Variants in EMC2 observed in about 807,000 individuals in gnomAD.
EMC2 encodes the protein ER membrane protein complex subunit 2, also known as TPR repeat protein 35.
Under a neutral mutation model 51.6 loss-of-function variants are expected in EMC2, and 37 were observed. The observed-to-expected ratio is 0.72, with a 90% CI of 0.55 to 0.94. EMC2 has a LOEUF of 0.94. Among genes scored for constraint, EMC2 ranks in the 40% least tolerant of loss-of-function variants. The pLI, the probability that EMC2 is intolerant of heterozygous loss-of-function variation, is 0.00. For missense variants in EMC2, 359 were observed against 350.9 expected, an observed-to-expected ratio of 1.02 and a Z score of -0.18; for synonymous variants, 131 against 112.4, an observed-to-expected ratio of 1.17 and a Z score of -1.04.
intron 2 of EMC2, 30 bp downstream of exon 2, chr8:108,449,966 T>A: frequency 1.1e-6 from 1 of 878,456 alleles, no homozygotes; most frequent in Non-Finnish European, 1.7e-6. Flanking sequence ...TCAGGCTCAG[T>A]ACATGCCTCA....
At chr8:108,483,115 G>A (rs1364667829) in intron 10 of EMC2, among the ~76,000 whole-genome samples, 1 of 151,968 alleles carries the variant, frequency 6.6e-6, no homozygotes, top group Non-Finnish European at 1.5e-5. Context: ...AACATCTCTT[G>A]CTGTATCTTT....
intron 1 of EMC2, among the ~76,000 whole-genome samples, chr8:108,448,459 T>G (rs1279553807): frequency 6.6e-6 from 1 of 152,188 alleles, no homozygotes; most frequent in Non-Finnish European, 1.5e-5. Context: ...GATTGAATCA[T>G]GGGGACAGGT....
At chr8:108,459,392 A>G (rs1203105915) in intron 5 of EMC2, among the ~76,000 whole-genome samples, 1 of 152,174 alleles carries the variant, frequency 6.6e-6, no homozygotes, top group South Asian at 2.1e-4. Context: ...AGACTGGGCA[A>G]TTTACAAAAG....
intron 5 of EMC2, among the ~76,000 whole-genome samples, chr8:108,462,679 T>C (rs1819358244): frequency 6.6e-6 from 1 of 152,184 alleles, no homozygotes. Flanking sequence ...CCAGTCTAAT[T>C]AGTTAAAAAT....
intron 7 of EMC2, 104 bp from the exon 8 acceptor site, chr8:108,475,778 A>C: frequency 1.6e-6 from 1 of 615,484 alleles, no homozygotes; most frequent in South Asian, 2.0e-5. Context: ...ATTGGGAATA[A>C]ATTGTTTAAC....
chr8:108,478,022 A>G (rs1810978776), intron 9 of EMC2, among the ~76,000 whole-genome samples: 2 of 151,988 alleles, frequency 1.3e-5, no homozygotes, highest in African/African-American at 4.8e-5. Context: ...TTTTCTCGTA[A>G]CCACTGCATC....
chr8:108,479,158 C>T, intron 10 of EMC2, 48 bp downstream of exon 10: 1 of 1,143,264 alleles, frequency 8.7e-7, no homozygotes, highest in South Asian at 1.7e-5. Flanking sequence ...TAATGTATTT[C>T]TTAGTTTTGT....
At chr8:108,481,347 T>G (rs543998543) in intron 10 of EMC2, among the ~76,000 whole-genome samples, 7 of 152,058 alleles carry the variant, frequency 4.6e-5, no homozygotes, top group Non-Finnish European at 1.0e-4. Flanking sequence ...AGTCAGAGTA[T>G]TTATAAATAT....
chr8:108,468,214 A>G (rs569382241), intron 5 of EMC2, among the ~76,000 whole-genome samples: 7 of 152,298 alleles, frequency 4.6e-5, no homozygotes, highest in African/African-American at 1.7e-4. Flanking sequence ...ACTAGGGACA[A>G]TGCTCCCATT....
intron 5 of EMC2, among the ~76,000 whole-genome samples, chr8:108,466,442 ATTTTTTTTTTT>A (rs869102478): frequency 3.3e-5 from 3 of 91,036 alleles, no homozygotes; most frequent in African/African-American, 1.4e-4. Context: ...CTATGATAGA[ATTTTTTTTTTT>A]TTTTTTTTTT....
chr8:108,458,612 CA>C lies in EMC2; in HGVS notation c.363+2683del, dbSNP rs537670040. Among the ~76,000 whole-genome samples, 235 of 152,286 alleles carry C rather than the reference CA, an allele frequency of 1.5e-3. 1 individual carries two copies. The highest frequency in any genetic ancestry group is 5.3e-3 in the African/African-American group (221 of 41,564). On this transcript the variant is annotated intron_variant, in intron 5 of 10. Transcript: ENST00000220853. ...GCTCTGTGTTGGTCCCTTTCGGCCA[CA>C]GGGGGAGTGGCTGGGATGCAAGGCA...
chr8:108,475,996 T>C (rs754542552), intron 8 of EMC2, 33 bp downstream of exon 8: 1 of 1,212,706 alleles, frequency 8.2e-7, no homozygotes, highest in Non-Finnish European at 1.2e-6. Flanking sequence ...CATATAATTT[T>C]ATTTTGGTTA....
intron 1 of EMC2, among the ~76,000 whole-genome samples, chr8:108,444,236 T>C (rs1818822972): frequency 6.6e-6 from 1 of 152,174 alleles, no homozygotes; most frequent in East Asian, 1.9e-4. Context: ...TTTAGTCTAG[T>C]CTCTGTCCCA....
chr8:108,482,301 C>T (rs1343363711), intron 10 of EMC2, among the ~76,000 whole-genome samples: 1 of 152,110 alleles, frequency 6.6e-6, no homozygotes, highest in Non-Finnish European at 1.5e-5. Context: ...GTTTGCATGA[C>T]TTATTTCTTT....
At chr8:108,476,924 T>A (rs1422761935) in intron 9 of EMC2, 32 bp downstream of exon 9, 1 of 1,032,482 alleles carries the variant, frequency 9.7e-7, no homozygotes, top group Non-Finnish European at 1.5e-6. Flanking sequence ...ATGTTATTTT[T>A]AAAAATCTGT....
At chr8:108,476,736 A>C (rs770904363) in intron 8 of EMC2, 46 bp from the exon 9 acceptor site, 2 of 829,580 alleles carry the variant, frequency 2.4e-6, no homozygotes, top group Non-Finnish European at 4.2e-6. Flanking sequence ...GCTATATTTC[A>C]AAGTAGTAAA....
rs181314951 is a variant in EMC2 at position 108,456,681 on chromosome 8, A to C, written c.363+751A>C. ...TTTGTTCTGAAGATACCTATATAGT[A>C]GTATTTGTTTGAAAAATACCCTGGT... On this transcript the variant is annotated intron_variant, in intron 5 of 10. Coordinates refer to ENST00000220853, the MANE Select transcript of EMC2 (RefSeq NM_014673.5). 3.0e-3 allele frequency among the ~76,000 whole-genome samples: 452 copies of C among 152,290 alleles called. 4 individuals carry two copies. Among genetic ancestry groups the C allele is most frequent in the Non-Finnish European group, 4.1e-3 (282 of 68,010 alleles).
At chr8:108,445,666 T>G (rs1818861459) in intron 1 of EMC2, among the ~76,000 whole-genome samples, 1 of 152,136 alleles carries the variant, frequency 6.6e-6, no homozygotes, top group African/African-American at 2.4e-5. Flanking sequence ...TTATGTATTC[T>G]ATTCTAATAC....
At chr8:108,481,911 T>C (rs1586194551) in intron 10 of EMC2, among the ~76,000 whole-genome samples, 1 of 152,216 alleles carries the variant, frequency 6.6e-6, no homozygotes, top group African/African-American at 2.4e-5. Context: ...ATTGTATGAA[T>C]GTTATAATTT....
Sources: allele counts gnomAD v4.1 joint callset (sites outside exome capture counted in the v4.1 genomes callset), GRCh38; gene constraint gnomAD v4.1.1; transcripts MANE v1.5; gene names NCBI Gene and HGNC (gene_info 2026-07-23, HGNC 2026-07-21).